The following SPI1 variants were observed in gnomAD, a reference collection of about 807,000 sequenced individuals.
The protein encoded by SPI1 is transcription factor PU.1.
Under a neutral mutation model 30.7 loss-of-function variants are expected in SPI1, and 3 were observed. That is an observed-to-expected ratio of 0.10 (90% CI 0.04 to 0.25). The LOEUF is 0.25. Among genes scored for constraint, SPI1 ranks in the 10% least tolerant of loss-of-function variants. The pLI is 1.00. For synonymous variants in SPI1, 169 were observed against 157.1 expected (o/e 1.08, Z -0.56); for missense variants, 261 against 371.5 (o/e 0.70, Z 2.45).
At chr11:47,363,755 G>T (rs1054252703) in intron 2 of SPI1, among the ~76,000 whole-genome samples, 11 of 151,706 alleles carry the variant, frequency 7.3e-5, no homozygotes, top group African/African-American at 2.4e-4. Context: ...CTAAGGTCAG[G>T]AGTTTGAGAC....
Position 47,359,076 on chromosome 11 carries a change from G to A in SPI1, c.331-70C>T. ...ACAGCTCAGGGGGGCTGGGAGGGAGGTCAGCTGGGGAGAGAAGGAGTGCAG... is the reference window on the plus strand; with the variant it reads ...ACAGCTCAGGGGGGCTGGGAGGGAGATCAGCTGGGGAGAGAAGGAGTGCAG... On this transcript the variant is annotated intron_variant, in intron 3 of 4. Coordinates refer to ENST00000378538, the MANE Select transcript of SPI1 (RefSeq NM_003120.3). The surrounding 1 kb of genome is among the most constrained non-coding windows in gnomAD (Gnocchi z 5.1). The A allele has an allele frequency of 3.5e-6, 5 of 1,416,278 alleles. No individual in the cohort carries two copies. The highest frequency in any genetic ancestry group is 3.8e-6 in the Non-Finnish European group (4 of 1,055,828). 87.7% of individuals were successfully genotyped at this position (1,416,278 alleles called of 1,614,324 possible).
Position 47,360,747 on chromosome 11 carries a change from C to T in SPI1, c.143-707G>A, listed in dbSNP as rs1428410978. On this transcript the variant is annotated intron_variant, in intron 2 of 4. Transcript: ENST00000378538. Reference sequence around the variant, plus strand: ...GGCTGAGGCAGGAGAATCGCTTGAACCCGAGAGGTGGAGGTAGCAGTGAGC... The same window carrying T: ...GGCTGAGGCAGGAGAATCGCTTGAATCCGAGAGGTGGAGGTAGCAGTGAGC... Among the ~76,000 whole-genome samples the T allele has an allele frequency of 2.0e-5, 3 of 150,992 alleles. No homozygotes were observed. The East Asian group carries it at 5.8e-4, about 29-fold the overall frequency.
At position 47,378,475 on chromosome 11, in the gene SPI1, C is replaced by T; in HGVS notation, c.-122G>A. 3 of 1,036,668 alleles carry T rather than the reference C, an allele frequency of 2.9e-6. No homozygotes were observed. The highest frequency in any genetic ancestry group is 1.4e-5 in the South Asian group (1 of 71,812). The allele number at this position is 1,036,668 out of a possible 1,614,324, so 64.2% of individuals were successfully genotyped here. On this transcript the variant is annotated 5_prime_UTR_variant, in exon 1 of 5. Coordinates refer to ENST00000378538, the MANE Select transcript of SPI1 (RefSeq NM_003120.3). The stretch of plus-strand genomic sequence containing the variant: ...GGGGCGGGTGCAGGGCTCAGGCCTG[C>T]CCCCTGAGCTACAGGAGCCCTGGGT...
At chr11:47,367,184 T>C (rs1184741477) in intron 2 of SPI1, among the ~76,000 whole-genome samples, 3 of 151,990 alleles carry the variant, frequency 2.0e-5, no homozygotes, top group Non-Finnish European at 4.4e-5. Flanking sequence ...GATGAAGAAG[T>C]ATATGGAAAT....
chr11:47,363,934 G>A (rs934496763), intron 2 of SPI1, among the ~76,000 whole-genome samples: 14 of 111,600 alleles, frequency 1.3e-4, no homozygotes, highest in African/African-American at 4.7e-4. Context: ...CTGCATTCCC[G>A]CCTGGGCAAT....
chr11:47,368,087 C>T (rs34937994), intron 2 of SPI1, among the ~76,000 whole-genome samples: 40,809 of 151,994 alleles, frequency 0.27, 6,551 homozygotes, highest in Non-Finnish European at 0.36. Context: ...AAAAATAGGC[C>T]GGGCGCAGTG....
In SPI1 at chr11:47,359,731, G is replaced by A. The variant is rs1361491970; in HGVS notation, c.330+122C>T. The A allele has an allele frequency of 3.6e-5, 41 of 1,142,200 alleles. No individual in the cohort carries two copies. The highest frequency in any genetic ancestry group is 4.6e-5 in the Non-Finnish European group (37 of 804,616). The allele number at this position is 1,142,200 out of a possible 1,614,324, so 70.8% of individuals were successfully genotyped here. On this transcript the variant is annotated intron_variant, in intron 3 of 4. Transcript: ENST00000378538. This position sits in a 1 kb window ranked among gnomAD's most constrained non-coding sequence, Gnocchi z 5.1. ...GGCAGCCGTTGGAGCTCCAGCCGCCGTTGGCACTGTGGGGCAGGAAGCTGA... is the reference window on the plus strand; with the variant it reads ...GGCAGCCGTTGGAGCTCCAGCCGCCATTGGCACTGTGGGGCAGGAAGCTGA...
intron 4 of SPI1, among the ~76,000 whole-genome samples, chr11:47,357,091 A>C (rs1223796037): frequency 6.7e-6 from 1 of 148,960 alleles, no homozygotes; most frequent in Non-Finnish European, 1.5e-5. Context: ...CACACATGCT[A>C]ACACCTCACA....
intron 2 of SPI1, among the ~76,000 whole-genome samples, chr11:47,368,932 T>C (rs1213162872): frequency 6.6e-6 from 1 of 152,204 alleles, no homozygotes; most frequent in African/African-American, 2.4e-5. Context: ...GTTAATATTA[T>C]GTGTATTTTA....
chr11:47,372,517 A>G (rs1399054354), intron 2 of SPI1, among the ~76,000 whole-genome samples: 2 of 152,160 alleles, frequency 1.3e-5, no homozygotes, highest in African/African-American at 2.4e-5. Flanking sequence ...AAACTATTTA[A>G]TGGATGGAAT....
Position 47,373,326 on chromosome 11 carries a change from C to T in SPI1, c.142+2307G>A, listed in dbSNP as rs113549644. On this transcript the variant is annotated intron_variant, in intron 2 of 4. Coordinates refer to ENST00000378538, the MANE Select transcript of SPI1 (RefSeq NM_003120.3). Reference sequence around the variant, plus strand: ...AAGATTGTGCCACTGCACACCAGCCCGGGCGACAGTACGAGACTCCGTATC... The same window carrying T: ...AAGATTGTGCCACTGCACACCAGCCTGGGCGACAGTACGAGACTCCGTATC... Among the ~76,000 whole-genome samples the T allele has an allele frequency of 2.2e-3, 308 of 137,102 alleles. 2 individuals are homozygous for T. The highest frequency in any genetic ancestry group is 7.6e-3 in the African/African-American group (277 of 36,290). 89.9% of individuals were successfully genotyped at this position (137,102 alleles called of 152,430 possible).
chr11:47,369,709 A>G (rs1370655939), intron 2 of SPI1, among the ~76,000 whole-genome samples: 3 of 152,196 alleles, frequency 2.0e-5, no homozygotes, highest in East Asian at 3.8e-4. Flanking sequence ...CTAAGGGAAA[A>G]AATGATTTTC....
At chr11:47,369,017 G>T (rs1019437571) in intron 2 of SPI1, among the ~76,000 whole-genome samples, 1 of 152,078 alleles carries the variant, frequency 6.6e-6, no homozygotes, top group Non-Finnish European at 1.5e-5. Flanking sequence ...AGGCTGAGCC[G>T]GGTGGATCAC....
chr11:47,356,514 TCACACCTGCTCA>T (rs925476757), intron 4 of SPI1, among the ~76,000 whole-genome samples: 1 of 77,280 alleles, frequency 1.3e-5, no homozygotes, highest in Non-Finnish European at 2.7e-5. Context: ...ATATGCCCAC[TCACACCTGCTCA>T]CACACACCTC....
In SPI1 at chr11:47,355,277, C is replaced by G. The variant is rs1199875013; in HGVS notation, c.763G>C (p.Glu255Gln). Residue 255 changes from glutamate to glutamine, a missense_variant, in exon 5 of 5, where the codon GAA (glutamate) becomes CAA (glutamine). Glu to Gln is a conservative substitution (Grantham distance 29). Coordinates refer to ENST00000378538, the MANE Select transcript of SPI1 (RefSeq NM_003120.3). ...KKKLTYQFSG[E>Q]VLGRGGLAER... Reference sequence around the variant, plus strand: ...GCCAGGCCCCCGCGGCCCAGCACTTCGCCGCTGAACTGGTAGGTGAGCTTC... The same window carrying G: ...GCCAGGCCCCCGCGGCCCAGCACTTGGCCGCTGAACTGGTAGGTGAGCTTC... The G allele has an allele frequency of 6.4e-7, 1 of 1,561,596 alleles. No individual in the cohort carries two copies. The highest frequency in any genetic ancestry group is 8.7e-7 in the Non-Finnish European group (1 of 1,155,674).
At chr11:47,363,849 C>G (rs150863859) in intron 2 of SPI1, among the ~76,000 whole-genome samples, 12,973 of 150,016 alleles carry the variant, frequency 0.086, 702 homozygotes, top group Non-Finnish European at 0.12. Context: ...GTAATCCCAG[C>G]TACTCAGGAG....
chr11:47,367,025 C>T (rs984610898), intron 2 of SPI1, among the ~76,000 whole-genome samples: 9 of 151,936 alleles, frequency 5.9e-5, no homozygotes, highest in Non-Finnish European at 1.0e-4. Flanking sequence ...ATAAAAGATA[C>T]TTAGTATATA....
At position 47,378,373 on chromosome 11, in the gene SPI1, G is replaced by C; in HGVS notation, c.-20C>G. The C allele has an allele frequency of 6.2e-7, 1 of 1,610,440 alleles. No individual in the cohort carries two copies. The highest frequency in any genetic ancestry group is 8.5e-7 in the Non-Finnish European group (1 of 1,178,462). ...TAACATCCAGCCGGGCTCCGAGTCG[G>C]TCAGATCCCCTGCCTCGGTGGGGGC... On this transcript the variant is annotated 5_prime_UTR_variant, in exon 1 of 5. Transcript: ENST00000378538.
chr11:47,364,270 G>A (rs537973575), intron 2 of SPI1, among the ~76,000 whole-genome samples: 18 of 151,928 alleles, frequency 1.2e-4, no homozygotes, highest in Non-Finnish European at 2.5e-4. Context: ...CAGGATGGTC[G>A]CGATCTCCTG....
Sources: allele counts gnomAD v4.1 joint callset (sites outside exome capture counted in the v4.1 genomes callset), GRCh38; gene constraint gnomAD v4.1.1; non-coding constraint Gnocchi (gnomAD v3.1); transcripts MANE v1.5; gene names NCBI Gene and HGNC (gene_info 2026-07-23, HGNC 2026-07-21).